The following SORBS2 variants were observed in gnomAD, a reference collection of about 807,000 sequenced individuals.
SORBS2 encodes the protein sorbin and SH3 domain containing 2.
In SORBS2, 46 loss-of-function variants were observed where a neutral mutation model predicts 97.7. The observed-to-expected ratio is 0.47, with a 90% CI of 0.37 to 0.60. SORBS2 has a LOEUF of 0.60. Among genes scored for constraint, SORBS2 ranks in the 20% least tolerant of loss-of-function variants. The probability of loss-of-function intolerance (pLI) is 0.00; values close to 1 mark genes in which losing one functional copy is unlikely to be tolerated. For missense variants in SORBS2, 1,316 were observed against 1,282.3 expected (o/e 1.03, Z -0.40); for synonymous variants, 476 against 473.4 (o/e 1.01, Z -0.07).
At chr4:185,904,993 A>C (rs558406948) in intron 1 of SORBS2, among the ~76,000 whole-genome samples, 1 of 152,110 alleles carries the variant, frequency 6.6e-6, no homozygotes. Flanking sequence ...AGTCCCAGCT[A>C]CTCGGGAAGC....
intron 1 of SORBS2, among the ~76,000 whole-genome samples, chr4:185,861,316 G>T (rs1374020163): frequency 7.4e-6 from 1 of 134,356 alleles, no homozygotes; most frequent in African/African-American, 2.7e-5. Flanking sequence ...CGCTGAAAAT[G>T]GGGGGTGGGG....
rs572695996 is a variant in SORBS2 at position 185,620,533 on chromosome 4, G to A, written c.2216-382C>T. Among the ~76,000 whole-genome samples the A allele has an allele frequency of 3.3e-5, 5 of 152,200 alleles. No individual in the cohort carries two copies. In the East Asian group the frequency reaches 9.6e-4, roughly 29 times the overall value. On this transcript the variant is annotated intron_variant, in intron 7 of 14. Transcript: ENST00000418609. ...TATAATTACTATTATAAGATTTACA[G>A]AGGATGGAGAATTTGAAAATAGCAA... is the stretch of plus-strand genomic sequence containing the variant.
chr4:185,704,608 C>T (rs984920808), intron 2 of SORBS2, among the ~76,000 whole-genome samples: 4 of 152,002 alleles, frequency 2.6e-5, no homozygotes, highest in East Asian at 1.9e-4. Context: ...CGTGAGCCAC[C>T]GCACCTGGCC....
chr4:185,836,700 T>G (rs531182606), intron 1 of SORBS2, among the ~76,000 whole-genome samples: 1 of 152,298 alleles, frequency 6.6e-6, no homozygotes, highest in East Asian at 1.9e-4. Flanking sequence ...GCACCAGAGC[T>G]TGACACTACA....
chr4:185,832,897 C>A (rs1050001129), intron 1 of SORBS2, among the ~76,000 whole-genome samples: 1 of 152,112 alleles, frequency 6.6e-6, no homozygotes, highest in South Asian at 2.1e-4. Flanking sequence ...ATGATTAGTC[C>A]GAATTCAGGG....
chr4:185,787,343 G>C (rs1307298471), intron 1 of SORBS2, among the ~76,000 whole-genome samples: 1 of 152,110 alleles, frequency 6.6e-6, no homozygotes, highest in Admixed American at 6.5e-5. Flanking sequence ...AGACTGGCGT[G>C]GACAAACTGA....
chr4:185,608,602 G>A (rs1396269460), intron 12 of SORBS2, among the ~76,000 whole-genome samples: 1 of 152,124 alleles, frequency 6.6e-6, no homozygotes, highest in Non-Finnish European at 1.5e-5. Flanking sequence ...GGTATTAAAA[G>A]TAGTTCTGAT....
At chr4:185,828,963 A>G (rs961038785) in intron 1 of SORBS2, among the ~76,000 whole-genome samples, 1 of 152,154 alleles carries the variant, frequency 6.6e-6, no homozygotes, top group Non-Finnish European at 1.5e-5. Context: ...TCCCATTGCT[A>G]TGTTATGGGA....
intron 1 of SORBS2, among the ~76,000 whole-genome samples, chr4:185,934,642 G>A (rs1021134836): frequency 4.6e-5 from 7 of 151,964 alleles, no homozygotes; most frequent in African/African-American, 1.7e-4. Flanking sequence ...AAATTAGCCA[G>A]ACATGGTGGC....
At chr4:185,886,308 C>A (rs180787451) in intron 1 of SORBS2, among the ~76,000 whole-genome samples, 172 of 152,182 alleles carry the variant, frequency 1.1e-3, no homozygotes, top group African/African-American at 3.1e-3. Flanking sequence ...GTAATCCCAG[C>A]ACTTCAGGAG....
chr4:185,861,520 C>T (rs1467170059), intron 1 of SORBS2, among the ~76,000 whole-genome samples: 1 of 151,822 alleles, frequency 6.6e-6, no homozygotes, highest in Non-Finnish European at 1.5e-5. Flanking sequence ...TAACAGAGTG[C>T]TTTAGAGGTC....
intron 4 of SORBS2, chr4:185,677,624 T>G: frequency 2.6e-6 from 4 of 1,514,264 alleles, no homozygotes; most frequent in Non-Finnish European, 3.5e-6. Context: ...CTTTTCTTTC[T>G]GGTGGAGGGG....
chr4:185,750,833 A>G (rs1396026466), intron 2 of SORBS2, among the ~76,000 whole-genome samples: 2 of 152,066 alleles, frequency 1.3e-5, no homozygotes, highest in Non-Finnish European at 2.9e-5. Context: ...GGTAAGGTAC[A>G]AGCTGCTTAG....
chr4:185,933,480 A>T (rs2099267442), intron 1 of SORBS2: 1 of 152,122 alleles, frequency 6.6e-6, no homozygotes, highest in South Asian at 2.1e-4. Context: ...TGGAAGCCTG[A>T]GATCAAGGTT....
intron 4 of SORBS2, among the ~76,000 whole-genome samples, chr4:185,672,008 T>A (rs925608987): frequency 1.3e-5 from 2 of 152,158 alleles, no homozygotes; most frequent in African/African-American, 4.8e-5. Flanking sequence ...AGACATCAAA[T>A]GGAGAAATTG....
intron 1 of SORBS2, chr4:185,919,184 T>G (rs1371007251): frequency 6.6e-6 from 1 of 152,220 alleles, no homozygotes; most frequent in African/African-American, 2.4e-5. Flanking sequence ...AAAGAATTCG[T>G]TCATTACCAC....
At chr4:185,600,334 C>T (rs796705869) in intron 12 of SORBS2, among the ~76,000 whole-genome samples, 1 of 152,062 alleles carries the variant, frequency 6.6e-6, no homozygotes, top group Non-Finnish European at 1.5e-5. Context: ...AATGTTATAT[C>T]TTTTTTTGTC....
chr4:185,610,788 A>G (rs1339487123), intron 12 of SORBS2, among the ~76,000 whole-genome samples: 1 of 152,078 alleles, frequency 6.6e-6, no homozygotes, highest in Non-Finnish European at 1.5e-5. Flanking sequence ...TTCATGTCCT[A>G]GCCTTGATCT....
chr4:185,810,789 T>C (rs1483085706), intron 1 of SORBS2: 1 of 152,218 alleles, frequency 6.6e-6, no homozygotes, highest in Non-Finnish European at 1.5e-5. Context: ...TGTGCTGTTA[T>C]TATGAAGCAA....
Sources: allele counts gnomAD v4.1 joint callset (sites outside exome capture counted in the v4.1 genomes callset), GRCh38; gene constraint gnomAD v4.1.1; transcripts MANE v1.5; gene names NCBI Gene and HGNC (gene_info 2026-07-23, HGNC 2026-07-21).